Variants in PCSK2 observed in about 807,000 individuals in gnomAD.
PCSK2 encodes proprotein convertase subtilisin/kexin type 2, also known as neuroendocrine convertase 2.
PCSK2 carries 14 observed loss-of-function variants against 69.7 expected under a neutral mutation model. That is an observed-to-expected ratio of 0.20 (90% CI 0.13 to 0.31). PCSK2 has a LOEUF of 0.31. PCSK2 is among the 10% of genes least tolerant of loss of function. The pLI is 1.00. For missense variants in PCSK2, 544 were observed against 842.5 expected, an observed-to-expected ratio of 0.65 and a Z score of 4.39; for synonymous variants, 307 against 320.7, an observed-to-expected ratio of 0.96 and a Z score of 0.46.
intron 2 of PCSK2, among the ~76,000 whole-genome samples, chr20:17,318,864 G>A (rs1417092531): frequency 2.0e-5 from 3 of 152,106 alleles, no homozygotes; most frequent in South Asian, 2.1e-4. Context: ...CCCATGGGAA[G>A]AGTACACACA....
chr20:17,461,052 C>T (rs2033006307), intron 10 of PCSK2, among the ~76,000 whole-genome samples: 1 of 151,300 alleles, frequency 6.6e-6, no homozygotes, highest in African/African-American at 2.4e-5. Context: ...ATAGAAAAGG[C>T]CCTGCCACTG....
intron 2 of PCSK2, among the ~76,000 whole-genome samples, chr20:17,335,391 G>A (rs565948221): frequency 3.3e-5 from 5 of 151,016 alleles, no homozygotes; most frequent in East Asian, 3.9e-4. Context: ...CTTTTCTGAC[G>A]TATTCTTGTA....
chr20:17,277,891 C>G (rs1229431135), intron 2 of PCSK2, among the ~76,000 whole-genome samples: 1 of 151,922 alleles, frequency 6.6e-6, no homozygotes, highest in African/African-American at 2.4e-5. Context: ...CAAACAACCC[C>G]ATCAAAAAGT....
intron 1 of PCSK2, among the ~76,000 whole-genome samples, chr20:17,239,841 C>CTTTTTTTTTTTTTT (rs869179656): frequency 2.9e-5 from 2 of 68,648 alleles, no homozygotes; most frequent in African/African-American, 6.7e-5. Flanking sequence ...GGTGAAAACA[C>CTTTTTTTTTTTTTT]TTTTTTTTTT....
At chr20:17,429,217 C>T (rs1366225934) in intron 6 of PCSK2, among the ~76,000 whole-genome samples, 1 of 151,842 alleles carries the variant, frequency 6.6e-6, no homozygotes, top group Non-Finnish European at 1.5e-5. Flanking sequence ...AAATGGGGCG[C>T]TTTACAGAAA....
At chr20:17,413,206 TA>T (rs1311533720) in intron 6 of PCSK2, among the ~76,000 whole-genome samples, 1 of 152,212 alleles carries the variant, frequency 6.6e-6, no homozygotes, top group Non-Finnish European at 1.5e-5. Flanking sequence ...GTAAATGGGC[TA>T]AATGCCCCAA....
upstream of PCSK2, among the ~76,000 whole-genome samples, chr20:17,226,533 AAG>A (rs11471406): frequency 0.26 from 37,513 of 146,436 alleles, 4,769 homozygotes; most frequent in Middle Eastern, 0.32. Flanking sequence ...GAGAGAGAGA[AAG>A]AGAGAGAGAG....
intron 2 of PCSK2, among the ~76,000 whole-genome samples, chr20:17,298,343 A>G (rs553646224): frequency 6.6e-5 from 10 of 152,276 alleles, no homozygotes; most frequent in African/African-American, 2.4e-4. Flanking sequence ...CCACATAGAA[A>G]TGGGGTGATT....
chr20:17,390,251 G>A (rs1197649868), intron 5 of PCSK2, among the ~76,000 whole-genome samples: 1 of 152,212 alleles, frequency 6.6e-6, no homozygotes, highest in Admixed American at 6.5e-5. Context: ...TAAGGTAGGT[G>A]AAGATTAACT....
chr20:17,428,713 T>C (rs1270931821), intron 6 of PCSK2, among the ~76,000 whole-genome samples: 1 of 152,016 alleles, frequency 6.6e-6, no homozygotes, highest in African/African-American at 2.4e-5. Flanking sequence ...AAATGGACTT[T>C]TCTAGCCACA....
intron 2 of PCSK2, among the ~76,000 whole-genome samples, chr20:17,336,144 AAG>A (rs1990344665): frequency 1.3e-5 from 2 of 152,202 alleles, no homozygotes. Context: ...ATATTGTTGA[AAG>A]AATTAGATAT....
chr20:17,264,886 T>TA lies in PCSK2; in HGVS notation c.282+4543dup, dbSNP rs375867788. 4.3e-3 allele frequency among the ~76,000 whole-genome samples: 651 copies of TA among 151,690 alleles called. 4 individuals carry two copies. The highest frequency in any genetic ancestry group is 0.015 in the African/African-American group (632 of 41,328). ...TTTCTTTCTTTTTTTTTTCCTGAGATAGAGTCTCACTCTGTTGCCCAGGCT... is the reference window on the plus strand; with the variant it reads ...TTTCTTTCTTTTTTTTTTCCTGAGATAAGAGTCTCACTCTGTTGCCCAGGCT... On this transcript the variant is annotated intron_variant, in intron 2 of 11. Transcript: ENST00000262545.
chr20:17,378,624 G>A (rs1457214971), intron 5 of PCSK2, among the ~76,000 whole-genome samples: 1 of 119,562 alleles, frequency 8.4e-6, no homozygotes, highest in Non-Finnish European at 2.0e-5. Flanking sequence ...TGGATGGATG[G>A]ATGGATGGAT....
At chr20:17,349,482 G>A (rs957189252) in intron 2 of PCSK2, among the ~76,000 whole-genome samples, 1 of 152,156 alleles carries the variant, frequency 6.6e-6, no homozygotes, top group Non-Finnish European at 1.5e-5. Context: ...CCAGCTCTGT[G>A]AGCACACCCC....
At chr20:17,336,695 C>A (rs115055566) in intron 2 of PCSK2, among the ~76,000 whole-genome samples, 2 of 152,134 alleles carry the variant, frequency 1.3e-5, no homozygotes, top group Non-Finnish European at 2.9e-5. Context: ...GTTCACACTT[C>A]GTCATTTGCT....
intron 2 of PCSK2, among the ~76,000 whole-genome samples, chr20:17,348,880 G>A (rs756371258): frequency 2.0e-5 from 3 of 152,122 alleles, no homozygotes; most frequent in African/African-American, 7.2e-5. Context: ...TGAGGTACTG[G>A]GGGTAAGGAC....
intron 2 of PCSK2, among the ~76,000 whole-genome samples, chr20:17,266,006 C>G (rs1883531): frequency 0.49 from 75,176 of 152,110 alleles, 18,777 homozygotes; most frequent in East Asian, 0.66. Flanking sequence ...GCTTATGAAT[C>G]TGTCGTTCTT....
intron 1 of PCSK2, among the ~76,000 whole-genome samples, chr20:17,255,053 T>A (rs1987124743): frequency 6.6e-6 from 1 of 152,226 alleles, no homozygotes; most frequent in African/African-American, 2.4e-5. Context: ...TTGTCAATTC[T>A]AATAATTTTT....
At chr20:17,262,524 A>G (rs1987430091) in intron 2 of PCSK2, among the ~76,000 whole-genome samples, 1 of 152,042 alleles carries the variant, frequency 6.6e-6, no homozygotes. Context: ...TTAAGGTCTG[A>G]GTCTTTCCTG....
Sources: gnomAD v4.1 joint callset for allele counts (sites outside exome capture counted in the v4.1 genomes callset) on GRCh38, gnomAD v4.1.1 for gene constraint, MANE v1.5 for transcripts, NCBI Gene and HGNC (gene_info 2026-07-23, HGNC 2026-07-21) for gene names.